Variants in CHP1 observed in about 807,000 individuals in gnomAD.
The protein encoded by CHP1 is calcineurin B homologous protein 1.
In CHP1, 11 loss-of-function variants were observed where a neutral mutation model predicts 27.4. The observed-to-expected ratio is 0.40, with a 90% CI of 0.25 to 0.67. The LOEUF (loss-of-function observed/expected upper bound fraction) is 0.67. CHP1 is among the 30% of genes least tolerant of loss of function. The pLI, the probability that CHP1 is intolerant of heterozygous loss-of-function variation, is 0.38. For missense variants in CHP1, 169 were observed against 251.3 expected (o/e 0.67, Z 2.22); for synonymous variants, 89 against 87.4 (o/e 1.02, Z -0.10).
chr15:41,264,265 A>G, intron 4 of CHP1: 2 of 1,234,852 alleles, frequency 1.6e-6, no homozygotes, highest in Non-Finnish European at 2.1e-6. Context: ...TTGATAAGTC[A>G]GTTCAGGTCA....
intron 3 of CHP1, among the ~76,000 whole-genome samples, chr15:41,261,720 G>A (rs67891871): frequency 0.14 from 20,836 of 151,812 alleles, 1,702 homozygotes; most frequent in South Asian, 0.27. Flanking sequence ...TAGGCTGGGT[G>A]CAGCAGCTCA....
At chr15:41,248,881 A>G (rs1042760891) in intron 2 of CHP1, among the ~76,000 whole-genome samples, 1 of 152,064 alleles carries the variant, frequency 6.6e-6, no homozygotes, top group East Asian at 1.9e-4. Context: ...TGTCAGACCC[A>G]CCCACTACTG....
At chr15:41,240,331 T>G (rs2047299763) in intron 1 of CHP1, among the ~76,000 whole-genome samples, 1 of 152,124 alleles carries the variant, frequency 6.6e-6, no homozygotes, top group Non-Finnish European at 1.5e-5. Context: ...TAGATAACAT[T>G]TCTACCAATT....
chr15:41,238,061 G>T (rs920532238), intron 1 of CHP1, among the ~76,000 whole-genome samples: 5 of 152,046 alleles, frequency 3.3e-5, no homozygotes, highest in Non-Finnish European at 5.9e-5. Context: ...TGCCACTTCT[G>T]CTTCGCACTT....
intron 5 of CHP1, among the ~76,000 whole-genome samples, chr15:41,273,800 G>C (rs2047504083): frequency 6.6e-6 from 1 of 151,386 alleles, no homozygotes; most frequent in Admixed American, 6.6e-5. Flanking sequence ...AGTAGGCTGG[G>C]TGTGGTGTTT....
At chr15:41,261,269 C>T (rs1035562330) in intron 3 of CHP1, among the ~76,000 whole-genome samples, 2 of 151,830 alleles carry the variant, frequency 1.3e-5, no homozygotes, top group Admixed American at 6.6e-5. Flanking sequence ...ATTCTCCTGC[C>T]TCACCCTCCC....
chr15:41,254,192 G>A (rs989900596), intron 2 of CHP1, among the ~76,000 whole-genome samples: 4 of 152,174 alleles, frequency 2.6e-5, no homozygotes, highest in African/African-American at 9.7e-5. Context: ...AGTAGAGTTA[G>A]AAAGTATCAA....
At chr15:41,262,391 TG>T (rs1242204257) in intron 3 of CHP1, among the ~76,000 whole-genome samples, 1 of 152,170 alleles carries the variant, frequency 6.6e-6, no homozygotes, top group East Asian at 1.9e-4. Flanking sequence ...TGTGGCTCGC[TG>T]CAGAGTTCAA....
chr15:41,262,822 T>C lies in CHP1; in HGVS notation c.288T>C (p.Asn96=), dbSNP rs2047440303. Residue 96 remains asparagine (N), a synonymous_variant, in exon 4 of 7, where the codon AAT becomes AAC. Transcript: ENST00000334660. Reference sequence around the variant, plus strand: ...CTCATTTCCGCCCCATTGAGGATAATGAAAAGAGCAAAGATGTGAATGGAC... The same window carrying C: ...CTCATTTCCGCCCCATTGAGGATAACGAAAAGAGCAAAGATGTGAATGGAC... ...TLAHFRPIED[N]EKSKDVNGPE... is the part of the protein sequence containing the mutation. 2 of 1,613,880 alleles carry C rather than the reference T, an allele frequency of 1.2e-6. No individual in the cohort carries two copies. The highest frequency in any genetic ancestry group is 2.2e-5 in the East Asian group (1 of 44,898).
intron 1 of CHP1, among the ~76,000 whole-genome samples, chr15:41,236,079 CTTT>C (rs11292013): frequency 2.5e-4 from 35 of 138,402 alleles, no homozygotes; most frequent in African/African-American, 4.9e-4. Flanking sequence ...ACCCTAAGAA[CTTT>C]TTTTTTTTTT....
intron 4 of CHP1, 116 bp downstream of exon 4, chr15:41,262,999 A>C: frequency 5.3e-6 from 7 of 1,328,152 alleles, no homozygotes; most frequent in Non-Finnish European, 6.2e-6. Context: ...TTAAGACCTC[A>C]GACTCTGGAG....
chr15:41,274,711 T>G (rs375781377), intron 5 of CHP1, among the ~76,000 whole-genome samples: 3 of 151,926 alleles, frequency 2.0e-5, no homozygotes, highest in African/African-American at 7.3e-5. Context: ...CTGTCTGAGG[T>G]TGGATTCATC....
At chr15:41,253,967 TA>T (rs1236492549) in intron 2 of CHP1, among the ~76,000 whole-genome samples, 9 of 145,972 alleles carry the variant, frequency 6.2e-5, no homozygotes, top group African/African-American at 1.3e-4. Flanking sequence ...TTTTTTTTTT[TA>T]AACTTTTTAG....
intron 1 of CHP1, among the ~76,000 whole-genome samples, chr15:41,238,834 A>G (rs777450826): frequency 6.6e-6 from 1 of 152,140 alleles, no homozygotes; most frequent in Non-Finnish European, 1.5e-5. Flanking sequence ...CCTGGGTGAC[A>G]AAGCAAGCCT....
At chr15:41,251,771 G>C (rs548474450) in intron 2 of CHP1, among the ~76,000 whole-genome samples, 1 of 150,412 alleles carries the variant, frequency 6.6e-6, no homozygotes, top group South Asian at 2.1e-4. Flanking sequence ...CTGGTCCCTG[G>C]TCCCAAAAAG....
At chr15:41,241,032 T>C (rs985352522) in intron 1 of CHP1, among the ~76,000 whole-genome samples, 3 of 152,230 alleles carry the variant, frequency 2.0e-5, no homozygotes, top group East Asian at 3.9e-4. Context: ...TTTGTATTTT[T>C]AGTAGAGACG....
chr15:41,265,089 C>T (rs901155759), intron 4 of CHP1, among the ~76,000 whole-genome samples: 5 of 151,970 alleles, frequency 3.3e-5, no homozygotes, highest in Non-Finnish European at 7.4e-5. Context: ...GGGCCAGGTG[C>T]GGTGGCTCAC....
intron 2 of CHP1, 126 bp downstream of exon 2, chr15:41,243,865 C>T (rs2047319753): frequency 1.4e-6 from 1 of 718,710 alleles, no homozygotes; most frequent in Non-Finnish European, 2.3e-6. Flanking sequence ...AGGACCATTT[C>T]TCTACTGGTC....
chr15:41,242,089 G>A (rs2047309717), intron 1 of CHP1, among the ~76,000 whole-genome samples: 1 of 152,116 alleles, frequency 6.6e-6, no homozygotes, highest in Admixed American at 6.6e-5. Context: ...TGTATCTTGA[G>A]TTTATGGACT....
Sources: gnomAD v4.1 joint callset for allele counts (sites outside exome capture counted in the v4.1 genomes callset) on GRCh38, gnomAD v4.1.1 for gene constraint, MANE v1.5 for transcripts, NCBI Gene and HGNC (gene_info 2026-07-23, HGNC 2026-07-21) for gene names.